EXOC6B: variants seen among roughly 807,000 people sequenced by gnomAD.
EXOC6B encodes the protein exocyst complex component 6B.
EXOC6B carries 54 observed loss-of-function variants against 113.5 expected under a neutral mutation model. That is an observed-to-expected ratio of 0.48 (90% CI 0.38 to 0.60). The LOEUF (loss-of-function observed/expected upper bound fraction) is 0.60, where lower values mean the gene tolerates loss of function less well. Ranked by LOEUF, EXOC6B falls within the 20% of genes least tolerant of loss-of-function variation. The pLI, the probability that EXOC6B is intolerant of heterozygous loss-of-function variation, is 0.00. For synonymous variants in EXOC6B, 357 were observed against 339.0 expected, an observed-to-expected ratio of 1.05 and a Z score of -0.58; for missense variants, 797 against 977.5, an observed-to-expected ratio of 0.82 and a Z score of 2.46.
At chr2:72,709,188 G>C (rs923639122) in intron 6 of EXOC6B, among the ~76,000 whole-genome samples, 29 of 152,070 alleles carry the variant, frequency 1.9e-4, no homozygotes, top group South Asian at 6.2e-4. Flanking sequence ...TGGCCATCCT[G>C]AACATTTTGA....
chr2:72,642,464 T>A (rs2104350973), intron 6 of EXOC6B, among the ~76,000 whole-genome samples: 1 of 146,400 alleles, frequency 6.8e-6, no homozygotes, highest in African/African-American at 2.5e-5. Flanking sequence ...ACGCCACATA[T>A]CTACAACTAT....
At chr2:72,701,025 G>A (rs912432963) in intron 6 of EXOC6B, among the ~76,000 whole-genome samples, 1 of 152,006 alleles carries the variant, frequency 6.6e-6, no homozygotes, top group Non-Finnish European at 1.5e-5. Context: ...GTACAGAGCG[G>A]TGTTCACTGG....
rs868217950 is a variant in EXOC6B, at chr2:72,401,586, T to C, written c.1981-21716A>G. On this transcript the variant is annotated intron_variant, in intron 18 of 21. Transcript: ENST00000272427. The stretch of plus-strand genomic sequence containing the variant: ...ATATACATATATATATATATACATA[T>C]ATATATATATATATATGTGTATATA... Among the ~76,000 whole-genome samples the C allele has an allele frequency of 1.6e-3, 54 of 34,558 alleles. 2 individuals carry two copies. The highest frequency in any genetic ancestry group is 2.5e-3 in the South Asian group (4 of 1,590). 22.7% of individuals were successfully genotyped at this position (34,558 alleles called of 152,430 possible). A position where few individuals can be genotyped will look rare whatever the true frequency, so the allele number is the denominator to read the frequency against.
intron 20 of EXOC6B, among the ~76,000 whole-genome samples, chr2:72,313,144 C>T (rs895154053): frequency 6.6e-6 from 1 of 151,982 alleles, no homozygotes. Flanking sequence ...CATTCAAAAA[C>T]AATAGGGGTA....
chr2:72,199,971 A>C (rs934140989), intron 20 of EXOC6B, among the ~76,000 whole-genome samples: 3 of 152,036 alleles, frequency 2.0e-5, no homozygotes, highest in African/African-American at 7.2e-5. Flanking sequence ...ATCTCGGCTC[A>C]CTGCAACCTC....
intron 18 of EXOC6B, among the ~76,000 whole-genome samples, chr2:72,402,810 T>A (rs909945299): frequency 6.6e-6 from 1 of 152,176 alleles, no homozygotes; most frequent in Admixed American, 6.5e-5. Context: ...GTTGAGGCTA[T>A]ACTAGCCTGT....
intron 6 of EXOC6B, among the ~76,000 whole-genome samples, chr2:72,641,991 G>T (rs536729730): frequency 2.0e-5 from 3 of 152,242 alleles, no homozygotes; most frequent in Non-Finnish European, 4.4e-5. Context: ...CTGCAGCTGA[G>T]GGTCCTGACT....
In EXOC6B at chr2:72,279,594, A is replaced by C. The variant is rs1685006903; in HGVS notation, c.2196+55353T>G. 3.9e-5 allele frequency among the ~76,000 whole-genome samples: 6 copies of C among 152,232 alleles called. No individual in the cohort carries two copies. The South Asian group carries it at 1.2e-3, about 32-fold the overall frequency. ...GGATCAACATTATTGAAATAGCAGA[A>C]AAAGTGTAGATAATTTTTCTTTCTT... On this transcript the variant is annotated intron_variant, in intron 20 of 21. Transcript: ENST00000272427.
intron 6 of EXOC6B, among the ~76,000 whole-genome samples, chr2:72,699,168 G>C (rs916464120): frequency 6.6e-6 from 1 of 152,124 alleles, no homozygotes; most frequent in African/African-American, 2.4e-5. Context: ...AAGAAACTCT[G>C]CTTGAAGACG....
intron 20 of EXOC6B, among the ~76,000 whole-genome samples, chr2:72,257,853 A>C (rs977768256): frequency 1.3e-5 from 2 of 152,146 alleles, no homozygotes; most frequent in South Asian, 4.1e-4. Context: ...ATGGTCCCAG[A>C]CAGTTTTCTA....
intron 1 of EXOC6B, among the ~76,000 whole-genome samples, chr2:72,809,631 G>A (rs192761413): frequency 1.3e-5 from 2 of 151,912 alleles, no homozygotes; most frequent in African/African-American, 4.8e-5. Flanking sequence ...CAAAGTTTCG[G>A]TTTTTTGAAA....
At chr2:72,650,633 GAGAAAAGAAAAA>G (rs1674095341) in intron 6 of EXOC6B, among the ~76,000 whole-genome samples, 2 of 150,312 alleles carry the variant, frequency 1.3e-5, no homozygotes, top group African/African-American at 4.9e-5. Context: ...GAAAAGAAAA[GAGAAAAGAAAAA>G]AGAAAAGAAA....
intron 18 of EXOC6B, among the ~76,000 whole-genome samples, chr2:72,404,053 G>A (rs1337756538): frequency 6.6e-6 from 1 of 152,206 alleles, no homozygotes; most frequent in Non-Finnish European, 1.5e-5. Flanking sequence ...CGGCACACCA[G>A]GAGATTATAT....
intron 6 of EXOC6B, among the ~76,000 whole-genome samples, chr2:72,637,564 A>G (rs1237651280): frequency 1.3e-5 from 2 of 152,128 alleles, no homozygotes; most frequent in East Asian, 3.9e-4. Context: ...AGAGGTGGGC[A>G]GATCACTTGA....
chr2:72,263,879 C>T (rs1683886965), intron 20 of EXOC6B, among the ~76,000 whole-genome samples: 1 of 152,184 alleles, frequency 6.6e-6, no homozygotes, highest in Non-Finnish European at 1.5e-5. Flanking sequence ...CTTTCAGCTT[C>T]TGCTACAGGC....
At chr2:72,583,152 A>G (rs529476776) in intron 6 of EXOC6B, among the ~76,000 whole-genome samples, 4 of 152,288 alleles carry the variant, frequency 2.6e-5, no homozygotes, top group African/African-American at 4.8e-5. Context: ...AGACAAAAAT[A>G]AAGAAAAAAT....
At chr2:72,689,506 C>T (rs1482221607) in intron 6 of EXOC6B, among the ~76,000 whole-genome samples, 1 of 152,126 alleles carries the variant, frequency 6.6e-6, no homozygotes, top group Non-Finnish European at 1.5e-5. Flanking sequence ...ACTGGGATTC[C>T]TAATGATATA....
intron 20 of EXOC6B, among the ~76,000 whole-genome samples, chr2:72,225,175 G>T (rs78402301): frequency 0.016 from 2,481 of 151,576 alleles, 59 homozygotes; most frequent in African/African-American, 0.056. Context: ...ACATCAAACT[G>T]CTTTATTTTA....
chr2:72,813,618 G>A (rs761327931), intron 1 of EXOC6B, among the ~76,000 whole-genome samples: 28 of 151,844 alleles, frequency 1.8e-4, no homozygotes, highest in Non-Finnish European at 3.4e-4. Flanking sequence ...ATTTTTTTCC[G>A]TTTTAAAAAA....
Sources: gnomAD v4.1 joint callset for allele counts (sites outside exome capture counted in the v4.1 genomes callset) on GRCh38, gnomAD v4.1.1 for gene constraint, MANE v1.5 for transcripts, NCBI Gene and HGNC (gene_info 2026-07-23, HGNC 2026-07-21) for gene names.